KCNIP4: variants seen among roughly 807,000 people sequenced by gnomAD.
The protein encoded by KCNIP4 is potassium voltage-gated channel interacting protein 4, also known as Kv channel-interacting protein 4.
A neutral mutation model predicts 34.0 loss-of-function variants in KCNIP4; 12 were observed. The observed-to-expected ratio is 0.35, with a 90% confidence interval of 0.23 to 0.57. The LOEUF (loss-of-function observed/expected upper bound fraction) is 0.57. KCNIP4 is among the 20% of genes least tolerant of loss of function. The pLI is 0.83. For synonymous variants in KCNIP4, 124 were observed against 102.2 expected, an observed-to-expected ratio of 1.21 and a Z score of -1.29; for missense variants, 238 against 311.7, an observed-to-expected ratio of 0.76 and a Z score of 1.78.
intron 1 of KCNIP4, among the ~76,000 whole-genome samples, chr4:21,543,354 T>C (rs974690020): frequency 6.6e-6 from 1 of 152,116 alleles, no homozygotes; most frequent in African/African-American, 2.4e-5. Flanking sequence ...AACTGTAATT[T>C]CAAAATTGAT....
At chr4:21,192,921 ACTACTACTACTACTACT>A (rs1560797347) in intron 1 of KCNIP4, among the ~76,000 whole-genome samples, 3,509 of 143,114 alleles carry the variant, frequency 0.025, 182 homozygotes, top group African/African-American at 0.088. Flanking sequence ...CGTCTCTACT[ACTACTACTACTACTACT>A]ACTACTACTA....
intron 5 of KCNIP4, among the ~76,000 whole-genome samples, chr4:20,739,394 G>A (rs1295010524): frequency 6.6e-6 from 1 of 152,130 alleles, no homozygotes; most frequent in Non-Finnish European, 1.5e-5. Context: ...TCCAGAGGAA[G>A]GATCAGGCAG....
At chr4:21,829,549 A>G (rs1453851498) in intron 1 of KCNIP4, among the ~76,000 whole-genome samples, 1 of 152,092 alleles carries the variant, frequency 6.6e-6, no homozygotes, top group Non-Finnish European at 1.5e-5. Flanking sequence ...AGTTTTAAAG[A>G]ATAGAATACA....
chr4:21,287,946 C>G (rs1484242840), intron 1 of KCNIP4, among the ~76,000 whole-genome samples: 1 of 152,038 alleles, frequency 6.6e-6, no homozygotes, highest in East Asian at 1.9e-4. Flanking sequence ...TAATGATTTG[C>G]CTGATTCTTA....
intron 1 of KCNIP4, among the ~76,000 whole-genome samples, chr4:21,781,054 A>G (rs1003272449): frequency 5.3e-5 from 8 of 152,108 alleles, no homozygotes; most frequent in African/African-American, 1.9e-4. Context: ...TAATTGACCT[A>G]AATTCATCTG....
intron 1 of KCNIP4, among the ~76,000 whole-genome samples, chr4:21,901,357 G>T (rs76583713): frequency 1.3e-5 from 2 of 152,168 alleles, no homozygotes; most frequent in African/African-American, 4.8e-5. Flanking sequence ...GCACCCTCTC[G>T]TGCTTACACC....
intron 1 of KCNIP4, among the ~76,000 whole-genome samples, chr4:21,817,095 T>C (rs1263717318): frequency 1.3e-5 from 2 of 152,162 alleles, no homozygotes; most frequent in African/African-American, 4.8e-5. Flanking sequence ...TTGCTCTTAT[T>C]ATCTTCATTC....
intron 1 of KCNIP4, among the ~76,000 whole-genome samples, chr4:21,172,067 G>T (rs1287228755): frequency 6.6e-6 from 1 of 152,080 alleles, no homozygotes; most frequent in Non-Finnish European, 1.5e-5. Context: ...TCACTCTGTT[G>T]CCAAGGCTGC....
rs148835998 is a variant in KCNIP4 at position 20,760,250 on chromosome 4, G to A, written c.289-1360C>T. 3.1e-3 allele frequency among the ~76,000 whole-genome samples: 477 copies of A among 152,132 alleles called. 5 individuals carry two copies. The highest frequency in any genetic ancestry group is 0.011 in the African/African-American group (454 of 41,502). On this transcript the variant is annotated intron_variant, in intron 3 of 8. Coordinates refer to ENST00000382152, the MANE Select transcript of KCNIP4 (RefSeq NM_025221.6). Reference sequence around the variant, plus strand: ...TCACAGCACTCCCACGCCACCTAACGTCCACCCAGGACTAAGTTCACTGGG... The same window carrying A: ...TCACAGCACTCCCACGCCACCTAACATCCACCCAGGACTAAGTTCACTGGG...
chr4:21,213,155 TC>T (rs1274348120), intron 1 of KCNIP4, among the ~76,000 whole-genome samples: 1 of 152,102 alleles, frequency 6.6e-6, no homozygotes, highest in Non-Finnish European at 1.5e-5. Context: ...ATGGGAGATA[TC>T]ATCGTATATT....
chr4:21,350,783 A>G (rs947368478), intron 1 of KCNIP4, among the ~76,000 whole-genome samples: 1 of 152,166 alleles, frequency 6.6e-6, no homozygotes, highest in Admixed American at 6.5e-5. Flanking sequence ...GGGCGAAGTG[A>G]ATTTTTTCTT....
intron 1 of KCNIP4, among the ~76,000 whole-genome samples, chr4:21,273,140 A>T (rs2109140376): frequency 6.6e-6 from 1 of 152,258 alleles, no homozygotes; most frequent in East Asian, 1.9e-4. Flanking sequence ...GGAAAAGGAC[A>T]ATTGAATAAA....
chr4:20,771,378 A>ATG (rs1755864065), intron 3 of KCNIP4, among the ~76,000 whole-genome samples: 5 of 152,138 alleles, frequency 3.3e-5, no homozygotes, highest in Admixed American at 2.6e-4. Flanking sequence ...CATTTTCCTC[A>ATG]TGTGTAAGCC....
At chr4:21,436,448 C>T (rs1200587798) in intron 1 of KCNIP4, among the ~76,000 whole-genome samples, 3 of 152,080 alleles carry the variant, frequency 2.0e-5, no homozygotes, top group Non-Finnish European at 4.4e-5. Flanking sequence ...TATTTCTCTC[C>T]CTTGGTGTAA....
intron 1 of KCNIP4, among the ~76,000 whole-genome samples, chr4:20,935,119 T>A (rs1396181075): frequency 3.3e-5 from 5 of 152,176 alleles, no homozygotes; most frequent in Non-Finnish European, 5.9e-5. Context: ...CCAATATGAC[T>A]TCATCTTAAC....
At chr4:21,296,548 C>T (rs1763851091) in intron 1 of KCNIP4, among the ~76,000 whole-genome samples, 1 of 151,380 alleles carries the variant, frequency 6.6e-6, no homozygotes, top group South Asian at 2.1e-4. Flanking sequence ...GAGGGAGGTG[C>T]TATGATTATT....
intron 1 of KCNIP4, among the ~76,000 whole-genome samples, chr4:21,314,948 CTGCTCTGGCTA>C (rs1478893922): frequency 1.3e-5 from 2 of 152,146 alleles, no homozygotes; most frequent in Non-Finnish European, 2.9e-5. Context: ...TCCTGTTGCT[CTGCTCTGGCTA>C]TGTTTCCACT....
At chr4:21,111,572 C>T (rs905543732) in intron 1 of KCNIP4, among the ~76,000 whole-genome samples, 2 of 152,142 alleles carry the variant, frequency 1.3e-5, no homozygotes, top group African/African-American at 4.8e-5. Context: ...ACTGGCCTGC[C>T]TCAGTCTCTC....
rs1747492572 is a variant in KCNIP4, at chr4:20,729,833, CTTTTGAATATTCACAGA to C, written c.*232_*248del. Reference sequence around the variant, plus strand: ...TAAAACTATATGCCAGATTCTATTACTTTTGAATATTCACAGAGTATGAAATGAGTTAGACCATCCCC... The same window carrying C: ...TAAAACTATATGCCAGATTCTATTACGTATGAAATGAGTTAGACCATCCCC... On this transcript the variant is annotated 3_prime_UTR_variant, in exon 9 of 9. Coordinates refer to ENST00000382152, the MANE Select transcript of KCNIP4 (RefSeq NM_025221.6). The C allele has an allele frequency of 5.4e-6, 2 of 372,336 alleles. No individual in the cohort carries two copies. The highest frequency in any genetic ancestry group is 9.6e-6 in the Non-Finnish European group (2 of 208,890). 23.1% of individuals were successfully genotyped at this position (372,336 alleles called of 1,614,324 possible).
Sources: allele counts gnomAD v4.1 joint callset (sites outside exome capture counted in the v4.1 genomes callset), GRCh38; gene constraint gnomAD v4.1.1; transcripts MANE v1.5; gene names NCBI Gene and HGNC (gene_info 2026-07-23, HGNC 2026-07-21).